CNTNAP2: variants seen among roughly 807,000 people sequenced by gnomAD.
The protein encoded by CNTNAP2 is contactin associated protein 2.
Under a neutral mutation model 155.2 loss-of-function variants are expected in CNTNAP2, and 98 were observed. The ratio of observed to expected loss-of-function variants is 0.63; its 90% CI spans 0.54 to 0.75. The LOEUF is 0.75. CNTNAP2 is among the 30% of genes least tolerant of loss of function. The probability of loss-of-function intolerance (pLI) is 0.00; values close to 1 mark genes in which losing one functional copy is unlikely to be tolerated. For missense variants in CNTNAP2, 1,727 were observed against 1,688.1 expected, an observed-to-expected ratio of 1.02 and a Z score of -0.40; for synonymous variants, 651 against 631.2, an observed-to-expected ratio of 1.03 and a Z score of -0.47.
intron 21 of CNTNAP2, among the ~76,000 whole-genome samples, chr7:148,290,486 A>G (rs1314608317): frequency 1.3e-5 from 2 of 152,208 alleles, no homozygotes; most frequent in Non-Finnish European, 2.9e-5. Flanking sequence ...CTTTGTTTTG[A>G]TTCTCATTGT....
chr7:147,174,776 GT>G (rs1286155291), intron 8 of CNTNAP2, among the ~76,000 whole-genome samples: 2 of 152,008 alleles, frequency 1.3e-5, no homozygotes, highest in Non-Finnish European at 2.9e-5. Flanking sequence ...AATTAATATT[GT>G]ATTTTTATTC....
intron 3 of CNTNAP2, among the ~76,000 whole-genome samples, chr7:146,928,834 C>T (rs1262811198): frequency 1.3e-5 from 2 of 152,218 alleles, no homozygotes; most frequent in East Asian, 1.9e-4. Context: ...TCGCTGGTTG[C>T]TAGCACAGCA....
intron 1 of CNTNAP2, among the ~76,000 whole-genome samples, chr7:146,712,310 A>AT (rs1161329835): frequency 3.3e-5 from 4 of 122,078 alleles, no homozygotes; most frequent in East Asian, 2.1e-4. Context: ...TATACTATAT[A>AT]GTATACATAT....
chr7:147,553,958 C>T (rs1799901728), intron 11 of CNTNAP2, among the ~76,000 whole-genome samples: 1 of 151,926 alleles, frequency 6.6e-6, no homozygotes. Flanking sequence ...AAAACTCTAT[C>T]TCAAAAGAAA....
intron 15 of CNTNAP2, among the ~76,000 whole-genome samples, chr7:148,077,826 G>A (rs1803521008): frequency 6.6e-6 from 1 of 152,128 alleles, no homozygotes; most frequent in Non-Finnish European, 1.5e-5. Flanking sequence ...TTACCAATTA[G>A]AAGTTGATAT....
At chr7:146,822,707 G>A (rs1194995669) in intron 2 of CNTNAP2, among the ~76,000 whole-genome samples, 3 of 132,776 alleles carry the variant, frequency 2.3e-5, no homozygotes, top group African/African-American at 8.4e-5. Context: ...ATATTCTTAA[G>A]TATACACTTA....
At chr7:146,940,822 T>C (rs1048115999) in intron 3 of CNTNAP2, among the ~76,000 whole-genome samples, 59 of 134,470 alleles carry the variant, frequency 4.4e-4, no homozygotes, top group Middle Eastern at 4.0e-3. Context: ...TGTGTGTGTA[T>C]ATACATATAG....
intron 9 of CNTNAP2, among the ~76,000 whole-genome samples, chr7:147,340,322 T>C (rs552648372): frequency 6.6e-6 from 1 of 152,286 alleles, no homozygotes; most frequent in East Asian, 1.9e-4. Flanking sequence ...CACAAATATG[T>C]GTCCTTTATG....
chr7:147,108,349 A>C lies in CNTNAP2; in HGVS notation c.753A>C (p.Leu251Phe). The C allele has an allele frequency of 6.2e-7, 1 of 1,612,514 alleles. No homozygotes were observed. The highest frequency in any genetic ancestry group is 8.5e-7 in the Non-Finnish European group (1 of 1,178,992). Residue 251 changes from leucine (L) to phenylalanine (F), a missense_variant and splice_region_variant, in exon 5 of 24, where the codon TTA becomes TTC. Physicochemically the swap from Leu to Phe is conservative, Grantham distance 22. Coordinates refer to ENST00000361727, the MANE Select transcript of CNTNAP2 (RefSeq NM_014141.6). ...CCAAGCTGGTCCTCAGTTTAAACTT[A>C]GGTGTGTTCTGACTGTCAGTTCTAT... ...KKAKLVLSLN[L>F]GSNQLGPIYG...
intron 1 of CNTNAP2, among the ~76,000 whole-genome samples, chr7:146,309,856 A>AAGGAAG (rs1563032365): frequency 7.1e-6 from 1 of 141,234 alleles, no homozygotes; most frequent in African/African-American, 3.0e-5. Flanking sequence ...AAGGAAGGAA[A>AAGGAAG]GAAAGAAGGA....
intron 4 of CNTNAP2, chr7:147,080,881 G>A (rs904034259): frequency 6.6e-6 from 1 of 151,574 alleles, no homozygotes; most frequent in African/African-American, 2.4e-5. Context: ...TATGTATCCT[G>A]AAAAGTGAGA....
chr7:147,381,256 T>G (rs1233575133), intron 9 of CNTNAP2, among the ~76,000 whole-genome samples: 2 of 152,076 alleles, frequency 1.3e-5, no homozygotes, highest in East Asian at 3.9e-4. Context: ...ACAGGATGAG[T>G]GAGTTAGTCA....
In CNTNAP2 at chr7:147,627,712, AAAG is replaced by A. The variant is rs1563028526; in HGVS notation, c.1898-11392_1898-11390del. ...GTCTCAAAAAAAAAAAAAAAAAAAA[AAAG>A]ATATTAAAACAAAATACAGGATATG... On this transcript the variant is annotated intron_variant, in intron 12 of 23. Transcript: ENST00000361727. Among the ~76,000 whole-genome samples the A allele has an allele frequency of 1.8e-3, 264 of 145,650 alleles. 2 individuals are homozygous for A. The highest frequency in any genetic ancestry group is 6.5e-3 in the African/African-American group (244 of 37,594).
intron 16 of CNTNAP2, among the ~76,000 whole-genome samples, chr7:148,124,193 G>A (rs999019923): frequency 2.6e-5 from 4 of 152,162 alleles, no homozygotes; most frequent in East Asian, 1.9e-4. Flanking sequence ...AGGAAGAGGC[G>A]GAAGTAAAGA....
rs1479495084 is a variant in CNTNAP2 at position 147,472,738 on chromosome 7, G to A, written c.1671-13197G>A. ...TTACAAAGCTTTGTTAATGATTGAT[G>A]CAGAAGTGAAAGGAATGTGAAGAAT... On this transcript the variant is annotated intron_variant, in intron 10 of 23. Coordinates refer to ENST00000361727, the MANE Select transcript of CNTNAP2 (RefSeq NM_014141.6). 1.3e-5 allele frequency among the ~76,000 whole-genome samples: 2 copies of A among 152,158 alleles called. 1 individual carries two copies. The highest frequency in any genetic ancestry group is 4.1e-4 in the South Asian group (2 of 4,832).
intron 13 of CNTNAP2, among the ~76,000 whole-genome samples, chr7:147,861,999 C>CAA (rs57139075): frequency 0.012 from 1,110 of 94,004 alleles, 29 homozygotes; most frequent in African/African-American, 0.032. Context: ...CTCCATCTCA[C>CAA]AAAAAAAAAA....
At chr7:146,908,156 C>T (rs912406478) in intron 3 of CNTNAP2, among the ~76,000 whole-genome samples, 44 of 152,202 alleles carry the variant, frequency 2.9e-4, no homozygotes, top group Admixed American at 9.2e-4. Context: ...TAAAGCAAGT[C>T]CTGAGTGACC....
At chr7:146,400,835 T>G (rs1249388147) in intron 1 of CNTNAP2, among the ~76,000 whole-genome samples, 1 of 152,202 alleles carries the variant, frequency 6.6e-6, no homozygotes, top group Non-Finnish European at 1.5e-5. Context: ...GGCACAGGCA[T>G]CTGAATAACT....
chr7:147,270,670 T>C (rs1175195317), intron 8 of CNTNAP2, among the ~76,000 whole-genome samples: 1 of 152,204 alleles, frequency 6.6e-6, no homozygotes, highest in African/African-American at 2.4e-5. Flanking sequence ...TTGTTACTAA[T>C]GATTGTCACA....
Sources: gnomAD v4.1 joint callset for allele counts (sites outside exome capture counted in the v4.1 genomes callset) on GRCh38, gnomAD v4.1.1 for gene constraint, MANE v1.5 for transcripts, NCBI Gene and HGNC (gene_info 2026-07-23, HGNC 2026-07-21) for gene names.